ALAD: variants seen among roughly 807,000 people sequenced by gnomAD.
The protein encoded by ALAD is aminolevulinate dehydratase.
Under a neutral mutation model 44.4 loss-of-function variants are expected in ALAD, and 20 were observed. That is an observed-to-expected ratio of 0.45 (90% CI 0.32 to 0.65). ALAD has a LOEUF of 0.65. ALAD is among the 30% of genes least tolerant of loss of function. The pLI, the probability that ALAD is intolerant of heterozygous loss-of-function variation, is 0.05. For synonymous variants in ALAD, 156 were observed against 167.9 expected, an observed-to-expected ratio of 0.93 and a Z score of 0.55; for missense variants, 323 against 445.7, an observed-to-expected ratio of 0.72 and a Z score of 2.48.
chr9:113,395,127 A>T (rs570021202), intron 1 of ALAD, among the ~76,000 whole-genome samples: 4 of 152,292 alleles, frequency 2.6e-5, no homozygotes, highest in African/African-American at 9.6e-5. Context: ...AATGCACACC[A>T]ATAGGAGAAA....
At chr9:113,389,552 G>T (rs781669395) in intron 9 of ALAD, 28 bp from the exon 10 acceptor site, 3 of 1,613,968 alleles carry the variant, frequency 1.9e-6, no homozygotes, top group Non-Finnish European at 2.5e-6. Context: ...AATGTGGGTG[G>T]TGCCTAGGAG....
Position 113,388,985 on chromosome 9 carries a change from CG to C in ALAD, c.922del (p.Arg308AlafsTer20), listed in dbSNP as rs1564368271. On this transcript the variant is annotated frameshift_variant, in exon 11 of 12. Coordinates refer to ENST00000409155, the MANE Select transcript of ALAD (RefSeq NM_000031.6). LOFTEE classifies it high-confidence loss of function. ...AAVLEAMTAFRRAGADIIITY... is the reference protein window; with the variant it reads ...AAVLEAMTAFXRAGADIIITY... The stretch of plus-strand genomic sequence containing the variant: ...CACCCTTGCCTGCCTACCTGCTCTG[CG>C]GAAGGCAGTCATGGCCTCCAGTACG... 1 of 1,613,862 alleles carries C rather than the reference CG, an allele frequency of 6.2e-7. No individual in the cohort carries two copies. Among genetic ancestry groups the C allele is most frequent in the South Asian group, 1.1e-5 (1 of 91,088 alleles).
intron 7 of ALAD, 40 bp downstream of exon 7, chr9:113,390,365 C>A (rs1355666315): frequency 6.3e-7 from 1 of 1,589,334 alleles, no homozygotes; most frequent in South Asian, 1.1e-5. Context: ...CTGGTGCAGA[C>A]TATCTCCTGC....
chr9:113,388,430 G>A (rs1413137342), intron 11 of ALAD, 69 bp from the exon 12 acceptor site: 2 of 1,449,434 alleles, frequency 1.4e-6, no homozygotes, highest in African/African-American at 2.8e-5. Context: ...CTTCTGCGAT[G>A]GGAAGGCCAG....
At chr9:113,389,887 A>T (rs1210697399) in intron 7 of ALAD, 59 bp from the exon 8 acceptor site, 4 of 1,601,954 alleles carry the variant, frequency 2.5e-6, no homozygotes, top group Non-Finnish European at 3.4e-6. Context: ...TCCCAGGGTG[A>T]TGTGGCAGGG....
intron 1 of ALAD, among the ~76,000 whole-genome samples, chr9:113,400,300 A>C (rs2119017491): frequency 6.6e-6 from 1 of 152,282 alleles, no homozygotes; most frequent in African/African-American, 2.4e-5. Flanking sequence ...CCATACTTTA[A>C]GGATAGATAT....
chr9:113,400,193 G>A (rs1191140360), intron 1 of ALAD, among the ~76,000 whole-genome samples: 2 of 152,322 alleles, frequency 1.3e-5, no homozygotes, highest in Admixed American at 6.5e-5. Flanking sequence ...TGGGCTCAGA[G>A]AGGGGTAGAC....
intron 5 of ALAD, 28 bp from the exon 6 acceptor site, chr9:113,390,704 G>A (rs1428521177): frequency 6.2e-7 from 1 of 1,609,410 alleles, no homozygotes; most frequent in South Asian, 1.1e-5. Context: ...GGGTTTTGGG[G>A]AGCACCTTGG....
At chr9:113,388,878 A>G in intron 11 of ALAD, 99 bp downstream of exon 11, 1 of 1,573,408 alleles carries the variant, frequency 6.4e-7, no homozygotes, top group Admixed American at 1.7e-5. Context: ...AATTCCCGGA[A>G]TAAGATCCCA....
At position 113,388,461 on chromosome 9, in the gene ALAD, G is replaced by A. The variant is rs1349079718; in HGVS notation, c.932-100C>T. On this transcript the variant is annotated intron_variant, in intron 11 of 11. Coordinates refer to ENST00000409155, the MANE Select transcript of ALAD (RefSeq NM_000031.6). ...GCCAGGCGGGGAAGAAGGCTACCATGAAGAAGCACAGCCTGTGGGCACACC... is the reference window on the plus strand; with the variant it reads ...GCCAGGCGGGGAAGAAGGCTACCATAAAGAAGCACAGCCTGTGGGCACACC... 31 of 1,102,746 alleles carry A rather than the reference G, an allele frequency of 2.8e-5. 2 individuals carry two copies. The South Asian group carries it at 3.9e-4, about 14-fold the overall frequency. The allele number at this position is 1,102,746 out of a possible 1,614,324, so 68.3% of individuals were successfully genotyped here. A position where few individuals can be genotyped will look rare whatever the true frequency, so the allele number is the denominator to read the frequency against.
At chr9:113,400,869 C>A (rs1396653374) in intron 1 of ALAD, among the ~76,000 whole-genome samples, 1 of 152,128 alleles carries the variant, frequency 6.6e-6, no homozygotes, top group Non-Finnish European at 1.5e-5. Flanking sequence ...ATGCACGCAA[C>A]GCTTAGTACA....
chr9:113,392,494 G>A lies in ALAD; in HGVS notation c.114-325C>T, dbSNP rs565019264. On this transcript the variant is annotated intron_variant, in intron 2 of 11. Coordinates refer to ENST00000409155, the MANE Select transcript of ALAD (RefSeq NM_000031.6). ...CCAGCCACTTACTGCCTGGGTGACC[G>A]TGGCCAAGTTCTATCATCTCTTTGA... The A allele has an allele frequency of 1.3e-4, 56 of 416,020 alleles. 1 individual carries two copies. In the South Asian group the frequency reaches 1.5e-3, roughly 11 times the overall value. The allele number at this position is 416,020 out of a possible 1,614,324, so 25.8% of individuals were successfully genotyped here.
chr9:113,396,419 G>A (rs936024549), intron 1 of ALAD: 4 of 152,054 alleles, frequency 2.6e-5, no homozygotes, highest in African/African-American at 9.7e-5. Flanking sequence ...AAATGACAGG[G>A]CGTTGAACTT....
intron 11 of ALAD, among the ~76,000 whole-genome samples, 162 bp downstream of exon 11, chr9:113,388,815 T>C (rs1195680495): frequency 6.6e-6 from 1 of 152,224 alleles, no homozygotes; most frequent in Non-Finnish European, 1.5e-5. Context: ...GGCCGTGTTC[T>C]ATGCTGCAGT....
At chr9:113,396,108 A>G (rs1184215831) in intron 1 of ALAD, among the ~76,000 whole-genome samples, 1 of 152,196 alleles carries the variant, frequency 6.6e-6, no homozygotes, top group Non-Finnish European at 1.5e-5. Flanking sequence ...AGATAGGAGA[A>G]TCCTTTGAAC....
chr9:113,392,994 G>C (rs1042543540), intron 2 of ALAD, among the ~76,000 whole-genome samples: 13 of 151,926 alleles, frequency 8.6e-5, no homozygotes, highest in Non-Finnish European at 1.6e-4. Flanking sequence ...ATTTCTTTGT[G>C]TTTTTAGTAG....
At chr9:113,391,879 A>G (rs1827595359) in intron 3 of ALAD, among the ~76,000 whole-genome samples, 5 of 152,154 alleles carry the variant, frequency 3.3e-5, no homozygotes, top group Admixed American at 3.3e-4. Flanking sequence ...TCTGCAGTTC[A>G]GCTCCCTTCT....
chr9:113,388,737 T>C (rs1030805774), intron 11 of ALAD, among the ~76,000 whole-genome samples: 1 of 152,204 alleles, frequency 6.6e-6, no homozygotes, highest in Non-Finnish European at 1.5e-5. Context: ...GTGAGGACAC[T>C]GAGGTTCAGA....
At position 113,391,571 on chromosome 9, in the gene ALAD, G is replaced by A; in HGVS notation, c.217C>T (p.Leu73=). The A allele has an allele frequency of 1.9e-6, 3 of 1,614,144 alleles. No individual in the cohort carries two copies. The highest frequency in any genetic ancestry group is 2.5e-6 in the Non-Finnish European group (3 of 1,180,036). The part of the protein sequence containing the change: ...EMLRPLVEEG[L]RCVLIFGVPS... ...ACGCCAAAGATCAAGACACAGCGTA[G>A]GCCCTCTTCCACCAAGGGCCTCAGC... The change falls in exon 4 of 12, where the codon CTA becomes TTA. Residue 73 remains leucine, a synonymous_variant. Transcript: ENST00000409155.
Sources: gnomAD v4.1 joint callset for allele counts (sites outside exome capture counted in the v4.1 genomes callset) on GRCh38, gnomAD v4.1.1 for gene constraint, MANE v1.5 for transcripts, NCBI Gene and HGNC (gene_info 2026-07-23, HGNC 2026-07-21) for gene names.